S100A8: variants seen among roughly 807,000 people sequenced by gnomAD.
S100A8 encodes the protein protein S100-A8.
A neutral mutation model predicts 4.2 loss-of-function variants in S100A8; 1 was observed. The ratio of observed to expected loss-of-function variants is 0.24; its 90% CI spans 0.08 to 1.12. The LOEUF (loss-of-function observed/expected upper bound fraction) is 1.12. Ranked by LOEUF, S100A8 falls within the 50% of genes most tolerant of loss-of-function variation. The pLI, the probability that S100A8 is intolerant of heterozygous loss-of-function variation, is 0.53. For missense variants in S100A8, 96 were observed against 111.8 expected, an observed-to-expected ratio of 0.86 and a Z score of 0.64; for synonymous variants, 41 against 44.7, an observed-to-expected ratio of 0.92 and a Z score of 0.33.
chr1:153,416,439 T>A, the S100A8 span: 1 of 325,052 alleles, frequency 3.1e-6, no homozygotes, highest in South Asian at 3.2e-5. Flanking sequence ...AAGAAACAGA[T>A]GACAGAGGTG....
the S100A8 span, among the ~76,000 whole-genome samples, chr1:153,408,850 AC>A: frequency 6.6e-6 from 1 of 152,226 alleles, no homozygotes; most frequent in South Asian, 2.1e-4. Flanking sequence ...AGAATTTTCA[AC>A]CCAGAATTTC....
the S100A8 span, chr1:153,419,281 C>T: frequency 7.6e-4 from 1,221 of 1,614,160 alleles, 5 homozygotes; most frequent in African/African-American, 0.013. Context: ...AGCCATGGAG[C>T]GGCGCCCTGT....
At chr1:153,398,897 A>G in the S100A8 span, among the ~76,000 whole-genome samples, 1 of 152,226 alleles carries the variant, frequency 6.6e-6, no homozygotes, top group East Asian at 1.9e-4. Flanking sequence ...TTTGGGAACA[A>G]GCCCAAAGGC....
chr1:153,392,228 T>A (rs1662116116), upstream of S100A8, among the ~76,000 whole-genome samples: 3 of 152,116 alleles, frequency 2.0e-5, no homozygotes, highest in South Asian at 6.2e-4. Flanking sequence ...AAATGGTCAA[T>A]AAGCATATGA....
At chr1:153,421,523 C>T in the S100A8 span, 1 of 152,186 alleles carries the variant, frequency 6.6e-6, no homozygotes, top group Non-Finnish European at 1.5e-5. Flanking sequence ...CTAGTCAATA[C>T]TACTTTATGT....
the S100A8 span, among the ~76,000 whole-genome samples, chr1:153,410,744 G>T: frequency 6.6e-6 from 1 of 152,132 alleles, no homozygotes; most frequent in Admixed American, 6.5e-5. Context: ...TAAAATACTG[G>T]CAAACCAAAT....
At chr1:153,394,706 G>A (rs141828898), upstream of S100A8, among the ~76,000 whole-genome samples, 1 of 152,298 alleles carries the variant, frequency 6.6e-6, no homozygotes, top group African/African-American at 2.4e-5. Flanking sequence ...CAGCAGGCCA[G>A]GCCCGGAGCA....
chr1:153,412,064 T>G, the S100A8 span, among the ~76,000 whole-genome samples: 1 of 152,162 alleles, frequency 6.6e-6, no homozygotes, highest in Non-Finnish European at 1.5e-5. Flanking sequence ...ATTCAGGACA[T>G]AGGCATGGGC....
rs373891072 is a variant in S100A8 at position 153,390,494 on chromosome 1, G to T, written c.42C>A (p.Asp14Glu). The T allele has an allele frequency of 5.0e-6, 8 of 1,614,200 alleles. No homozygotes were observed. Among genetic ancestry groups the T allele is most frequent in the Admixed American group, 1.7e-5 (1 of 60,024 alleles). ...ELEKALNSII[D>E]VYHKYSLIKG... ...TTATCAGGGAGTACTTGTGGTAGAC[G>T]TCGATGATAGAGTTCAAGGCTTTCT... The change falls in exon 2 of 3, where the codon GAC becomes GAA. Residue 14 changes from aspartate to glutamate, a missense_variant. Transcript: ENST00000368733.
chr1:153,417,592 C>T, the S100A8 span, among the ~76,000 whole-genome samples: 1,180 of 152,326 alleles, frequency 7.7e-3, 17 homozygotes, highest in African/African-American at 0.027. Flanking sequence ...GTGGGGCCCA[C>T]GGTGTCTGGT....
chr1:153,405,876 C>T, the S100A8 span, among the ~76,000 whole-genome samples: 1 of 152,110 alleles, frequency 6.6e-6, no homozygotes, highest in African/African-American at 2.4e-5. Context: ...GTGGATGGCT[C>T]ACAGCAGAAC....
At chr1:153,396,443 C>T in the S100A8 span, 3 of 152,616 alleles carry the variant, frequency 2.0e-5, no homozygotes, top group African/African-American at 7.2e-5. Context: ...CATTGATGTC[C>T]TTTCCACAGA....
chr1:153,419,127 A>G, the S100A8 span: 54 of 1,609,808 alleles, frequency 3.4e-5, no homozygotes, highest in Admixed American at 6.7e-4. Context: ...TCTATTTTGT[A>G]TGTTTTTCTC....
chr1:153,395,300 T>A (rs1662190301), upstream of S100A8, among the ~76,000 whole-genome samples: 1 of 152,166 alleles, frequency 6.6e-6, no homozygotes, highest in Non-Finnish European at 1.5e-5. Flanking sequence ...TCTGCCAGGC[T>A]GGATTGTTGG....
chr1:153,404,286 C>T, the S100A8 span, among the ~76,000 whole-genome samples: 11 of 152,252 alleles, frequency 7.2e-5, no homozygotes, highest in South Asian at 2.3e-3. Context: ...AATAATTGGC[C>T]ACTGGTGATT....
At chr1:153,400,671 G>C in the S100A8 span, among the ~76,000 whole-genome samples, 1 of 152,176 alleles carries the variant, frequency 6.6e-6, no homozygotes, top group African/African-American at 2.4e-5. Flanking sequence ...ACACTTTCCT[G>C]TTTCTAAACT....
upstream of S100A8, among the ~76,000 whole-genome samples, chr1:153,395,385 C>G (rs1241868378): frequency 1.3e-5 from 2 of 152,168 alleles, no homozygotes; most frequent in African/African-American, 4.8e-5. Context: ...GGCTCCCACC[C>G]AGGCACCGAG....
At chr1:153,391,491 T>C (rs1387751718), upstream of S100A8, among the ~76,000 whole-genome samples, 2 of 152,158 alleles carry the variant, frequency 1.3e-5, no homozygotes, top group African/African-American at 2.4e-5. Flanking sequence ...CATTCCTCCA[T>C]GGCTTCTGTC....
the S100A8 span, among the ~76,000 whole-genome samples, chr1:153,405,087 C>T: frequency 6.6e-6 from 1 of 151,798 alleles, no homozygotes; most frequent in Non-Finnish European, 1.5e-5. Flanking sequence ...CTGGAGTCCC[C>T]CCCACCCCGC....
Sources: allele counts gnomAD v4.1 joint callset (sites outside exome capture counted in the v4.1 genomes callset), GRCh38; gene constraint gnomAD v4.1.1; transcripts MANE v1.5; gene names NCBI Gene and HGNC (gene_info 2026-07-23, HGNC 2026-07-21).